The following LYPD5 variants were observed in gnomAD, a reference collection of about 807,000 sequenced individuals.
LYPD5 encodes ly6/PLAUR domain-containing protein 5.
Under a neutral mutation model 19.1 loss-of-function variants are expected in LYPD5, and 21 were observed. The observed-to-expected ratio is 1.10, with a 90% confidence interval of 0.78 to 1.58. LYPD5 has a LOEUF of 1.58. Among genes scored for constraint, LYPD5 ranks in the 40% most tolerant of loss-of-function variants. The pLI, the probability that LYPD5 is intolerant of heterozygous loss-of-function variation, is 0.00. For synonymous variants in LYPD5, 128 were observed against 142.7 expected, an observed-to-expected ratio of 0.90 and a Z score of 0.74; for missense variants, 287 against 329.8, an observed-to-expected ratio of 0.87 and a Z score of 1.00.
intron 1 of LYPD5, among the ~76,000 whole-genome samples, chr19:43,800,963 CAAAA>C (rs11354228): frequency 8.4e-6 from 1 of 119,234 alleles, no homozygotes; most frequent in Non-Finnish European, 1.7e-5. Flanking sequence ...GACTCTGTCT[CAAAA>C]AAAAAAAAAA....
intron 1 of LYPD5, among the ~76,000 whole-genome samples, chr19:43,818,091 A>G (rs1970388595): frequency 6.6e-6 from 1 of 152,192 alleles, no homozygotes; most frequent in South Asian, 2.1e-4. Context: ...TATCCCAAAT[A>G]TATGTTAAAG....
At chr19:43,798,774 T>C in intron 3 of LYPD5, 38 bp downstream of exon 3, 4 of 1,582,062 alleles carry the variant, frequency 2.5e-6, no homozygotes, top group South Asian at 2.3e-5. Flanking sequence ...AGGCCTCTCA[T>C]CGTCCCTCCC....
chr19:43,819,610 G>A (rs1229895952), intron 1 of LYPD5, among the ~76,000 whole-genome samples: 1 of 151,924 alleles, frequency 6.6e-6, no homozygotes, highest in Non-Finnish European at 1.5e-5. Flanking sequence ...ACCCCCGTTG[G>A]AAAAAAGGAG....
intron 1 of LYPD5, among the ~76,000 whole-genome samples, chr19:43,810,392 G>A (rs10407794): frequency 0.87 from 131,583 of 151,686 alleles, 57,611 homozygotes; most frequent in African/African-American, 0.95. Context: ...GCTGGAGTGC[G>A]CTGGCATCAT....
chr19:43,813,778 C>A (rs1452464859), intron 1 of LYPD5, among the ~76,000 whole-genome samples: 1 of 152,176 alleles, frequency 6.6e-6, no homozygotes, highest in African/African-American at 2.4e-5. Context: ...ACCTCTGCCT[C>A]CCGGGTTCAA....
rs1375394765 is a variant in LYPD5 at position 43,796,235 on chromosome 19, C to A, written c.*1356G>T. On this transcript the variant is annotated 3_prime_UTR_variant, in exon 5 of 5. Transcript: ENST00000377950. ...TTTTGGGGAGACACAAACATTCAGA[C>A]AATAGCAGGATGCAACTTACTTTTT... 1 of 152,202 alleles carries A rather than the reference C, an allele frequency of 6.6e-6. No individual in the cohort carries two copies. The highest frequency in any genetic ancestry group is 1.5e-5 in the Non-Finnish European group (1 of 68,024). The allele number at this position is 152,202 out of a possible 1,614,324, so 9.4% of individuals were successfully genotyped here.
chr19:43,810,314 G>A (rs1970309037), intron 1 of LYPD5, among the ~76,000 whole-genome samples: 1 of 151,978 alleles, frequency 6.6e-6, no homozygotes, highest in South Asian at 2.1e-4. Flanking sequence ...GAGTAAACAT[G>A]CTTGTCTTGC....
At chr19:43,806,243 C>T (rs772853226), upstream of LYPD5, among the ~76,000 whole-genome samples, 6 of 152,166 alleles carry the variant, frequency 3.9e-5, no homozygotes, top group Admixed American at 2.0e-4. Context: ...CTCATAGCAG[C>T]GTGAATCCTA....
At chr19:43,805,124 A>G (rs908986323), upstream of LYPD5, among the ~76,000 whole-genome samples, 1 of 152,186 alleles carries the variant, frequency 6.6e-6, no homozygotes, top group Admixed American at 6.5e-5. Flanking sequence ...CTTCTGTTGC[A>G]TTCCATCAGT....
At position 43,802,196 on chromosome 19, in the gene LYPD5, T is replaced by C. The variant is rs563497925; in HGVS notation, c.64+121A>G. On this transcript the variant is annotated intron_variant, in intron 1 of 4. Coordinates refer to ENST00000377950, the MANE Select transcript of LYPD5 (RefSeq NM_001031749.3). ...CCCCTCCTCCCTCAGACCCAGGAGA[T>C]CAGGCCCCCAACCCCTCCTCCCTCA... The C allele has an allele frequency of 6.1e-4, 241 of 392,808 alleles. 13 individuals are homozygous for C. The highest frequency in any genetic ancestry group is 6.3e-4 in the Non-Finnish European group (143 of 225,370). The allele number at this position is 392,808 out of a possible 1,614,324, so 24.3% of individuals were successfully genotyped here. A position where few individuals can be genotyped will look rare whatever the true frequency, so the allele number is the denominator to read the frequency against.
intron 1 of LYPD5, among the ~76,000 whole-genome samples, chr19:43,818,213 C>G (rs1439422446): frequency 6.6e-6 from 1 of 152,154 alleles, no homozygotes; most frequent in Non-Finnish European, 1.5e-5. Flanking sequence ...TCACAAGGAT[C>G]TTGAGGGTCT....
At chr19:43,812,145 C>T (rs918008742) in intron 1 of LYPD5, among the ~76,000 whole-genome samples, 7 of 152,064 alleles carry the variant, frequency 4.6e-5, no homozygotes, top group Admixed American at 3.9e-4. Flanking sequence ...GGAGTTGCAA[C>T]GTTCCAAAGG....
chr19:43,814,077 T>C lies in LYPD5; in HGVS notation c.-66+6463A>G, dbSNP rs151170957. On this transcript the variant is annotated intron_variant, in intron 1 of 4. Coordinates refer to the LYPD5 transcript ENST00000414615. Reference sequence around the variant, plus strand: ...ATAAATGTATCCACATACTTCTTCCTAGACCTACTTGCCCCTGAGCTTCCA... The same window carrying C: ...ATAAATGTATCCACATACTTCTTCCCAGACCTACTTGCCCCTGAGCTTCCA... Among the ~76,000 whole-genome samples, 616 of 152,372 alleles carry C rather than the reference T, an allele frequency of 4.0e-3. 1 individual carries two copies. Among genetic ancestry groups the C allele is most frequent in the South Asian group, 7.0e-3 (34 of 4,830 alleles).
chr19:43,816,683 G>GC (rs2146509052), intron 1 of LYPD5, among the ~76,000 whole-genome samples: 1 of 152,264 alleles, frequency 6.6e-6, no homozygotes, highest in Non-Finnish European at 1.5e-5. Flanking sequence ...ATTAGCTTTG[G>GC]CCACATAATA....
chr19:43,799,770 G>A lies in LYPD5; in HGVS notation c.129C>T (p.Ala43=). ...HTYFGPFDLR[A]MKLPSISCPH... is the part of the protein sequence containing the mutation. ...GACAGGAGATGCTGGGCAGCTTCATGGCCCTGAGGTCAAAGGGGCCAAAGT... is the reference window on the plus strand; with the variant it reads ...GACAGGAGATGCTGGGCAGCTTCATAGCCCTGAGGTCAAAGGGGCCAAAGT... Residue 43 remains alanine (A), a synonymous_variant, in exon 2 of 5, where the codon GCC becomes GCT. Coordinates refer to ENST00000377950, the MANE Select transcript of LYPD5 (RefSeq NM_001031749.3). 6.2e-7 allele frequency: 1 copy of A among 1,613,976 alleles called. No homozygotes were observed. Among genetic ancestry groups the A allele is most frequent in the Non-Finnish European group, 8.5e-7 (1 of 1,179,946 alleles).
chr19:43,806,026 T>C (rs568309229), upstream of LYPD5, among the ~76,000 whole-genome samples: 327 of 152,232 alleles, frequency 2.1e-3, no homozygotes, highest in Non-Finnish European at 4.2e-3. Context: ...GCAAGCATCA[T>C]TCTACTTTGT....
intron 1 of LYPD5, among the ~76,000 whole-genome samples, chr19:43,809,696 C>T (rs921210870): frequency 2.6e-5 from 4 of 152,270 alleles, no homozygotes; most frequent in Admixed American, 2.6e-4. Flanking sequence ...CTGGCCAGGA[C>T]TTGTAGATTT....
chr19:43,800,440 C>T (rs907495593), intron 1 of LYPD5, among the ~76,000 whole-genome samples: 3 of 152,208 alleles, frequency 2.0e-5, no homozygotes, highest in African/African-American at 7.2e-5. Context: ...ACCTCCCTAA[C>T]TAAGGCACAG....
At chr19:43,815,492 T>C (rs1269952246) in intron 1 of LYPD5, among the ~76,000 whole-genome samples, 1 of 151,910 alleles carries the variant, frequency 6.6e-6, no homozygotes, top group Non-Finnish European at 1.5e-5. Flanking sequence ...GAGGATCTAC[T>C]TGAGCCAGGG....
Sources: gnomAD v4.1 joint callset for allele counts (sites outside exome capture counted in the v4.1 genomes callset) on GRCh38, gnomAD v4.1.1 for gene constraint, MANE v1.5 for transcripts, NCBI Gene and HGNC (gene_info 2026-07-23, HGNC 2026-07-21) for gene names.